The following CTNNA2 variants were observed in gnomAD, a reference collection of about 807,000 sequenced individuals.
CTNNA2 encodes the protein catenin alpha-2.
Under a neutral mutation model 101.0 loss-of-function variants are expected in CTNNA2, and 42 were observed. The observed-to-expected ratio is 0.42, with a 90% CI of 0.32 to 0.54. The LOEUF is 0.54. Ranked by LOEUF, CTNNA2 falls within the 20% of genes least tolerant of loss-of-function variation. The pLI is 0.14. For missense variants in CTNNA2, 871 were observed against 1,223.1 expected (o/e 0.71, Z 4.29); for synonymous variants, 450 against 456.4 (o/e 0.99, Z 0.18).
intron 7 of CTNNA2, among the ~76,000 whole-genome samples, chr2:80,115,390 C>T (rs769960450): frequency 2.0e-5 from 3 of 152,122 alleles, no homozygotes; most frequent in African/African-American, 4.8e-5. Flanking sequence ...TCGAAGAAGA[C>T]GTTATCTACC....
intron 18 of CTNNA2, among the ~76,000 whole-genome samples, chr2:80,634,850 T>C (rs529721179): frequency 2.0e-5 from 3 of 152,256 alleles, no homozygotes; most frequent in African/African-American, 7.2e-5. Flanking sequence ...CATAAGATTC[T>C]GGGTGTTTAA....
intron 2 of CTNNA2, among the ~76,000 whole-genome samples, chr2:79,216,091 GA>G (rs948075425): frequency 3.0e-4 from 46 of 152,226 alleles, no homozygotes; most frequent in African/African-American, 1.1e-3. Flanking sequence ...CCTATTTTAC[GA>G]CAAGAATTAT....
intron 3 of CTNNA2, among the ~76,000 whole-genome samples, chr2:79,812,169 ACT>A (rs1368040863): frequency 6.6e-6 from 1 of 151,826 alleles, no homozygotes; most frequent in Non-Finnish European, 1.5e-5. Flanking sequence ...TACATTGACA[ACT>A]CTGTTATCTT....
chr2:79,519,100 G>C (rs1465752496), intron 1 of CTNNA2, among the ~76,000 whole-genome samples: 1 of 151,900 alleles, frequency 6.6e-6, no homozygotes, highest in East Asian at 1.9e-4. Context: ...ATGGTGACGG[G>C]CGACTGTAAT....
chr2:79,902,806 T>A (rs1685151740), intron 6 of CTNNA2, among the ~76,000 whole-genome samples: 1 of 152,144 alleles, frequency 6.6e-6, no homozygotes, highest in Non-Finnish European at 1.5e-5. Flanking sequence ...TTTGTATTTT[T>A]AGTAGAGGCG....
At chr2:80,448,991 G>A (rs115684723) in intron 9 of CTNNA2, among the ~76,000 whole-genome samples, 9 of 152,116 alleles carry the variant, frequency 5.9e-5, no homozygotes, top group African/African-American at 2.2e-4. Context: ...GATGCTAGGG[G>A]TCATGCTTTC....
At chr2:79,192,883 GAA>G (rs1319809377) in intron 1 of CTNNA2, among the ~76,000 whole-genome samples, 1 of 151,950 alleles carries the variant, frequency 6.6e-6, no homozygotes, top group Non-Finnish European at 1.5e-5. Flanking sequence ...ATGATAATTT[GAA>G]AAGAGTCATG....
intron 4 of CTNNA2, among the ~76,000 whole-genome samples, chr2:79,862,490 T>C (rs1167016713): frequency 6.6e-6 from 1 of 152,228 alleles, no homozygotes; most frequent in East Asian, 1.9e-4. Context: ...CAGTAGTCAA[T>C]TGGTATCATA....
At chr2:80,191,040 G>A (rs1004658805) in intron 7 of CTNNA2, among the ~76,000 whole-genome samples, 1 of 152,118 alleles carries the variant, frequency 6.6e-6, no homozygotes, top group African/African-American at 2.4e-5. Context: ...TATGTATGGT[G>A]ACCTTAAACT....
At chr2:79,671,029 A>G (rs1029112993) in intron 2 of CTNNA2, among the ~76,000 whole-genome samples, 2 of 152,240 alleles carry the variant, frequency 1.3e-5, no homozygotes, top group Non-Finnish European at 2.9e-5. Context: ...ACCTCTAAGA[A>G]GCAAGAATGC....
intron 7 of CTNNA2, among the ~76,000 whole-genome samples, chr2:80,199,155 T>A (rs1269809810): frequency 8.7e-6 from 1 of 115,392 alleles, no homozygotes; most frequent in Non-Finnish European, 1.6e-5. Flanking sequence ...CACTCCAGCC[T>A]GGGAGACAGA....
intron 11 of CTNNA2, among the ~76,000 whole-genome samples, chr2:80,546,824 T>A (rs934044779): frequency 6.6e-6 from 1 of 152,132 alleles, no homozygotes; most frequent in African/African-American, 2.4e-5. Flanking sequence ...CCTGGAAGAA[T>A]CTCTGTGAGG....
intron 7 of CTNNA2, among the ~76,000 whole-genome samples, chr2:80,277,553 G>GA (rs10650278): frequency 0.089 from 7,478 of 83,714 alleles, 700 homozygotes; most frequent in African/African-American, 0.22. Context: ...AAGGATTTCT[G>GA]AAAAAAAAAA....
At chr2:79,884,352 G>A (rs767583012) in intron 6 of CTNNA2, among the ~76,000 whole-genome samples, 31 of 152,006 alleles carry the variant, frequency 2.0e-4, no homozygotes, top group Admixed American at 3.3e-4. Flanking sequence ...CCATATTTTC[G>A]TTATCTTTTC....
At chr2:80,091,232 T>C (rs753201831) in intron 7 of CTNNA2, among the ~76,000 whole-genome samples, 6 of 152,086 alleles carry the variant, frequency 3.9e-5, no homozygotes, top group Non-Finnish European at 5.9e-5. Flanking sequence ...AATAAGCACT[T>C]TTGCAGCTAA....
chr2:80,347,451 A>C (rs1672841450), intron 7 of CTNNA2, among the ~76,000 whole-genome samples: 1 of 152,172 alleles, frequency 6.6e-6, no homozygotes, highest in Non-Finnish European at 1.5e-5. Flanking sequence ...ATATGTGCCC[A>C]CGAATGTCAT....
At chr2:80,624,982 T>G (rs62152008) in intron 18 of CTNNA2, among the ~76,000 whole-genome samples, 15,409 of 152,004 alleles carry the variant, frequency 0.1, 1,292 homozygotes, top group African/African-American at 0.23. Context: ...TGGGTGGTTC[T>G]AAAAAGATGT....
chr2:80,350,044 G>C (rs2149295735), intron 7 of CTNNA2, among the ~76,000 whole-genome samples: 1 of 152,220 alleles, frequency 6.6e-6, no homozygotes, highest in East Asian at 1.9e-4. Flanking sequence ...AAATACAATG[G>C]AGTATGAATG....
chr2:79,316,385 C>G (rs1573069818), intron 3 of CTNNA2, among the ~76,000 whole-genome samples: 1 of 152,026 alleles, frequency 6.6e-6, no homozygotes, highest in African/African-American at 2.4e-5. Context: ...CAGCTTTTCT[C>G]TTATTCAAGA....
Sources: allele counts gnomAD v4.1 joint callset (sites outside exome capture counted in the v4.1 genomes callset), GRCh38; gene constraint gnomAD v4.1.1; transcripts MANE v1.5; gene names NCBI Gene and HGNC (gene_info 2026-07-23, HGNC 2026-07-21).